JMJD1C: variants seen among roughly 807,000 people sequenced by gnomAD.
JMJD1C encodes the protein jumonji domain containing 1C, also known as jumonji domain-containing protein 1C.
JMJD1C carries 31 observed loss-of-function variants against 245.3 expected under a neutral mutation model. That is an observed-to-expected ratio of 0.13 (90% CI 0.09 to 0.17). JMJD1C has a LOEUF of 0.17. Among genes scored for constraint, JMJD1C ranks in the 10% least tolerant of loss-of-function variants. The probability of loss-of-function intolerance (pLI) is 1.00; values close to 1 mark genes in which losing one functional copy is unlikely to be tolerated. For missense variants in JMJD1C, 2,691 were observed against 3,000.2 expected (o/e 0.90, Z 2.41); for synonymous variants, 1,057 against 1,017.4 (o/e 1.04, Z -0.74).
chr10:63,447,955 AAGAG>A (rs959945003), intron 1 of JMJD1C, among the ~76,000 whole-genome samples: 42 of 151,980 alleles, frequency 2.8e-4, no homozygotes, highest in East Asian at 7.7e-4. Flanking sequence ...TAAAAATAAA[AAGAG>A]AGAGAGAAAG....
chr10:63,423,018 G>A (rs559949901), intron 1 of JMJD1C, among the ~76,000 whole-genome samples: 4 of 150,606 alleles, frequency 2.7e-5, no homozygotes, highest in Admixed American at 6.6e-5. Flanking sequence ...AGGCTGGAGT[G>A]CAATGGCACG....
Position 63,323,409 on chromosome 10 carries a change from A to C in JMJD1C, c.333+56909T>G, listed in dbSNP as rs1941137880. 5.0e-5 allele frequency among the ~76,000 whole-genome samples: 7 copies of C among 139,046 alleles called. No individual in the cohort carries two copies. The Admixed American group carries it at 5.1e-4, about 10-fold the overall frequency. The allele number at this position is 139,046 out of a possible 152,430, so 91.2% of individuals were successfully genotyped here. On this transcript the variant is annotated intron_variant, in intron 2 of 25. Transcript: ENST00000399262. ...GTGGCACGCACCTGGAATCCCAGCA[A>C]CTCGGGAGGGTGAGGCAGAAGAATC...
chr10:63,167,885 T>C lies in JMJD1C; in HGVS notation c.*160A>G. 1.8e-6 allele frequency: 1 copy of C among 543,010 alleles called. No individual in the cohort carries two copies. The highest frequency in any genetic ancestry group is 2.9e-5 in the South Asian group (1 of 34,892). 33.6% of individuals were successfully genotyped at this position (543,010 alleles called of 1,614,324 possible). On this transcript the variant is annotated 3_prime_UTR_variant, in exon 26 of 26. Transcript: ENST00000399262. ...ACATTGAATCACAGGAGCTGTGACA[T>C]ATGCTATACTGCTGTGGTGTCAGTA...
intron 2 of JMJD1C, among the ~76,000 whole-genome samples, chr10:63,316,887 C>A (rs1258748932): frequency 6.6e-6 from 1 of 152,172 alleles, no homozygotes; most frequent in African/African-American, 2.4e-5. Context: ...TGGAGTCTTG[C>A]TCTGTTGCCC....
chr10:63,200,396 G>C, intron 11 of JMJD1C, 80 bp downstream of exon 11: 1 of 1,024,514 alleles, frequency 9.8e-7, no homozygotes, highest in Non-Finnish European at 1.5e-6. Context: ...CATCCAAAAG[G>C]GACACTCAGA....
intron 10 of JMJD1C, chr10:63,203,962 T>C: frequency 2.0e-6 from 2 of 983,458 alleles, no homozygotes; most frequent in Non-Finnish European, 1.2e-6. Flanking sequence ...ATTTAGAAGT[T>C]CCCTGACTTA....
At chr10:63,358,664 A>C (rs1945070444) in intron 2 of JMJD1C, 1 of 152,148 alleles carries the variant, frequency 6.6e-6, no homozygotes, top group African/African-American at 2.4e-5. Flanking sequence ...TTTAAAACAG[A>C]AAAAAAGCTG....
chr10:63,352,304 T>C (rs937287633), intron 2 of JMJD1C, among the ~76,000 whole-genome samples: 1 of 152,028 alleles, frequency 6.6e-6, no homozygotes, highest in African/African-American at 2.4e-5. Flanking sequence ...AAGCAATGAA[T>C]TGATAAAAGT....
intron 2 of JMJD1C, among the ~76,000 whole-genome samples, chr10:63,346,737 T>G (rs1237946227): frequency 6.6e-6 from 1 of 152,214 alleles, no homozygotes; most frequent in African/African-American, 2.4e-5. Flanking sequence ...CTCAGTTAAA[T>G]TGTAAAATTT....
chr10:63,464,591 C>T (rs77514646), intron 1 of JMJD1C, among the ~76,000 whole-genome samples: 2,326 of 152,070 alleles, frequency 0.015, 26 homozygotes, highest in Middle Eastern at 0.071. Flanking sequence ...TCAAGCTGTC[C>T]CTCAGTGAGA....
intron 2 of JMJD1C, among the ~76,000 whole-genome samples, chr10:63,356,284 T>G (rs931117783): frequency 6.6e-6 from 1 of 152,232 alleles, no homozygotes; most frequent in Non-Finnish European, 1.5e-5. Context: ...AGATATTTTC[T>G]GGCATTACTC....
chr10:63,360,511 G>C (rs776593610), intron 2 of JMJD1C, among the ~76,000 whole-genome samples: 2 of 152,084 alleles, frequency 1.3e-5, no homozygotes, highest in Admixed American at 6.5e-5. Context: ...TGCAATCTTG[G>C]TAAGACTAAA....
chr10:63,266,455 T>C (rs934768277), intron 2 of JMJD1C, among the ~76,000 whole-genome samples: 23 of 152,262 alleles, frequency 1.5e-4, no homozygotes, highest in African/African-American at 5.5e-4. Flanking sequence ...AGAGCATTTA[T>C]TGTATTTAGG....
At chr10:63,363,843 T>C (rs1381311713) in intron 2 of JMJD1C, among the ~76,000 whole-genome samples, 1 of 149,400 alleles carries the variant, frequency 6.7e-6, no homozygotes, top group Non-Finnish European at 1.5e-5. Context: ...CACGCCACCA[T>C]GCCTGGCTAA....
At chr10:63,180,118 C>T (rs1402548262) in intron 22 of JMJD1C, among the ~76,000 whole-genome samples, 4 of 152,206 alleles carry the variant, frequency 2.6e-5, no homozygotes, top group African/African-American at 9.6e-5. Context: ...AGCGATTCTC[C>T]TGTCTCAGCT....
chr10:63,174,919 T>C (rs1228600537), intron 24 of JMJD1C, among the ~76,000 whole-genome samples: 1 of 152,100 alleles, frequency 6.6e-6, no homozygotes, highest in Non-Finnish European at 1.5e-5. Flanking sequence ...ATTTTGATTA[T>C]GTTGTTACCT....
At chr10:63,324,693 G>A (rs952994922) in intron 2 of JMJD1C, among the ~76,000 whole-genome samples, 2 of 152,172 alleles carry the variant, frequency 1.3e-5, no homozygotes, top group African/African-American at 2.4e-5. Flanking sequence ...TGTGAGTGTA[G>A]AAATGGCAAT....
intron 2 of JMJD1C, among the ~76,000 whole-genome samples, chr10:63,335,804 C>T (rs774986472): frequency 1.3e-5 from 2 of 152,054 alleles, no homozygotes; most frequent in Admixed American, 1.3e-4. Context: ...AACCACGGCG[C>T]CTGGCATAAT....
intron 2 of JMJD1C, among the ~76,000 whole-genome samples, chr10:63,335,712 T>C (rs1351198103): frequency 6.6e-6 from 1 of 152,130 alleles, no homozygotes; most frequent in Non-Finnish European, 1.5e-5. Flanking sequence ...GGTTTCACCA[T>C]GTTGGCCAGA....
Sources: gnomAD v4.1 joint callset for allele counts (sites outside exome capture counted in the v4.1 genomes callset) on GRCh38, gnomAD v4.1.1 for gene constraint, MANE v1.5 for transcripts, NCBI Gene and HGNC (gene_info 2026-07-23, HGNC 2026-07-21) for gene names.